Variants in ADAM23 observed in about 807,000 individuals in gnomAD.
ADAM23 encodes disintegrin and metalloproteinase domain-containing protein 23.
ADAM23 carries 33 observed loss-of-function variants against 120.1 expected under a neutral mutation model. The ratio of observed to expected loss-of-function variants is 0.27; its 90% CI spans 0.21 to 0.37. The LOEUF is 0.37. Ranked by LOEUF, ADAM23 falls within the 10% of genes least tolerant of loss-of-function variation. The pLI is 1.00. For missense variants in ADAM23, 862 were observed against 1,058.2 expected, an observed-to-expected ratio of 0.81 and a Z score of 2.57; for synonymous variants, 367 against 375.2, an observed-to-expected ratio of 0.98 and a Z score of 0.25.
At chr2:206,569,152 A>G (rs1316526748) in intron 15 of ADAM23, among the ~76,000 whole-genome samples, 1 of 152,174 alleles carries the variant, frequency 6.6e-6, no homozygotes, top group Non-Finnish European at 1.5e-5. Flanking sequence ...GTAGCTTAGG[A>G]GCTAATTATA....
chr2:206,524,752 G>C (rs1696910999), intron 3 of ADAM23, among the ~76,000 whole-genome samples: 1 of 152,196 alleles, frequency 6.6e-6, no homozygotes, highest in Non-Finnish European at 1.5e-5. Flanking sequence ...CCATGAATCA[G>C]TGATCTCCCA....
At chr2:206,608,801 A>G (rs1043587266) in intron 24 of ADAM23, among the ~76,000 whole-genome samples, 10 of 152,220 alleles carry the variant, frequency 6.6e-5, no homozygotes, top group African/African-American at 2.4e-4. Context: ...TTATGTACAC[A>G]GTTGAGGGCA....
intron 6 of ADAM23, among the ~76,000 whole-genome samples, chr2:206,545,158 A>G (rs929456373): frequency 3.3e-5 from 5 of 152,192 alleles, no homozygotes; most frequent in African/African-American, 1.2e-4. Context: ...TTGATGGGGA[A>G]CAGAAAACAT....
chr2:206,570,656 C>T (rs975683278), intron 15 of ADAM23, 84 bp from the exon 16 acceptor site: 49 of 992,966 alleles, frequency 4.9e-5, no homozygotes, highest in Admixed American at 7.2e-5. Context: ...GCTGATTATA[C>T]GGCCATTGTA....
intron 3 of ADAM23, among the ~76,000 whole-genome samples, chr2:206,499,270 G>C (rs62195945): frequency 0.098 from 14,867 of 151,948 alleles, 910 homozygotes; most frequent in Middle Eastern, 0.15. Flanking sequence ...TGATAGACTG[G>C]ATTAAGAAAA....
At chr2:206,538,320 T>A (rs1697222664) in intron 4 of ADAM23, among the ~76,000 whole-genome samples, 2 of 152,212 alleles carry the variant, frequency 1.3e-5, no homozygotes, top group Admixed American at 6.5e-5. Context: ...ACATGTCCCA[T>A]TATAGATATC....
At chr2:206,505,654 A>G (rs1311409633) in intron 3 of ADAM23, among the ~76,000 whole-genome samples, 1 of 152,160 alleles carries the variant, frequency 6.6e-6, no homozygotes, top group Admixed American at 6.6e-5. Flanking sequence ...ACAGCACTAA[A>G]GAGTGAATCC....
chr2:206,573,306 GAAT>G, intron 18 of ADAM23, 111 bp downstream of exon 18: 1 of 1,064,502 alleles, frequency 9.4e-7, no homozygotes, highest in Non-Finnish European at 1.4e-6. Context: ...TTGGATTTTG[GAAT>G]ATTTGCATAT....
intron 24 of ADAM23, chr2:206,605,663 T>A (rs1054572638): frequency 4.6e-6 from 3 of 645,676 alleles, no homozygotes; most frequent in Non-Finnish European, 8.3e-6. Context: ...TAATTTCAAA[T>A]CTTATAGCAA....
At chr2:206,472,655 A>G (rs1463786366) in intron 2 of ADAM23, among the ~76,000 whole-genome samples, 3 of 151,958 alleles carry the variant, frequency 2.0e-5, no homozygotes, top group African/African-American at 7.3e-5. Flanking sequence ...GGTACATAAG[A>G]AAAGAGAGGA....
chr2:206,466,300 G>A (rs749899728), intron 2 of ADAM23, among the ~76,000 whole-genome samples: 2 of 152,170 alleles, frequency 1.3e-5, no homozygotes, highest in Non-Finnish European at 2.9e-5. Flanking sequence ...ACATGTATGT[G>A]CAAGACATAA....
intron 3 of ADAM23, among the ~76,000 whole-genome samples, chr2:206,529,627 G>C (rs935382063): frequency 4.6e-5 from 7 of 151,996 alleles, no homozygotes; most frequent in Admixed American, 3.9e-4. Context: ...TCAAACTCCT[G>C]GCCTCAAACA....
chr2:206,532,814 T>A (rs1697095016), intron 4 of ADAM23, among the ~76,000 whole-genome samples: 1 of 152,172 alleles, frequency 6.6e-6, no homozygotes, highest in Non-Finnish European at 1.5e-5. Context: ...ACATTTTGAC[T>A]CTTTCCAATC....
intron 2 of ADAM23, among the ~76,000 whole-genome samples, chr2:206,462,051 A>G (rs1232880518): frequency 6.6e-6 from 1 of 152,120 alleles, no homozygotes; most frequent in African/African-American, 2.4e-5. Context: ...TATCACTAGG[A>G]AGTCCAGAAA....
At chr2:206,574,432 A>T (rs1698071572) in intron 18 of ADAM23, among the ~76,000 whole-genome samples, 1 of 150,586 alleles carries the variant, frequency 6.6e-6, no homozygotes, top group African/African-American at 2.4e-5. Flanking sequence ...GAGGGGCCTA[A>T]ATCTTTTTTT....
At chr2:206,591,534 T>C (rs1288729457) in intron 21 of ADAM23, among the ~76,000 whole-genome samples, 2 of 152,232 alleles carry the variant, frequency 1.3e-5, no homozygotes, top group Non-Finnish European at 2.9e-5. Context: ...TACTATACTT[T>C]AGTTCTCCAT....
intron 2 of ADAM23, among the ~76,000 whole-genome samples, chr2:206,457,813 C>A (rs1463437781): frequency 1.3e-5 from 2 of 152,102 alleles, no homozygotes; most frequent in East Asian, 3.9e-4. Context: ...AAAATATTTT[C>A]TAATACAGAA....
chr2:206,469,447 C>A (rs146320910), intron 2 of ADAM23, among the ~76,000 whole-genome samples: 5 of 152,300 alleles, frequency 3.3e-5, no homozygotes, highest in South Asian at 2.1e-4. Flanking sequence ...CTCATCAACT[C>A]TATTGTTATT....
At chr2:206,578,298 T>A (rs1182496622) in intron 18 of ADAM23, among the ~76,000 whole-genome samples, 1 of 152,146 alleles carries the variant, frequency 6.6e-6, no homozygotes, top group Non-Finnish European at 1.5e-5. Flanking sequence ...GGTGCATCCA[T>A]CACCCGAGCA....
Sources: gnomAD v4.1 joint callset for allele counts (sites outside exome capture counted in the v4.1 genomes callset) on GRCh38, gnomAD v4.1.1 for gene constraint, MANE v1.5 for transcripts, NCBI Gene and HGNC (gene_info 2026-07-23, HGNC 2026-07-21) for gene names.